TENM3: variants seen among roughly 807,000 people sequenced by gnomAD.
TENM3 encodes the protein teneurin-3.
In TENM3, 63 loss-of-function variants were observed where a neutral mutation model predicts 255.1. That is an observed-to-expected ratio of 0.25 (90% confidence interval 0.20 to 0.30). The LOEUF (loss-of-function observed/expected upper bound fraction) is 0.30. Ranked by LOEUF, TENM3 falls within the 10% of genes least tolerant of loss-of-function variation. TENM3 has a pLI of 1.00. For missense variants in TENM3, 2,929 were observed against 3,461.1 expected, an observed-to-expected ratio of 0.85 and a Z score of 3.86; for synonymous variants, 1,306 against 1,322.3, an observed-to-expected ratio of 0.99 and a Z score of 0.27.
At chr4:182,424,544 A>G (rs1208230854) in intron 3 of TENM3, among the ~76,000 whole-genome samples, 1 of 151,768 alleles carries the variant, frequency 6.6e-6, no homozygotes, top group African/African-American at 2.4e-5. Context: ...GACCAAAAAT[A>G]TTTAATGTAA....
At chr4:182,170,040 G>A (rs1363603373) in intron 1 of TENM3, among the ~76,000 whole-genome samples, 2 of 150,548 alleles carry the variant, frequency 1.3e-5, no homozygotes, top group Admixed American at 6.7e-5. Context: ...GTTTTGAGAT[G>A]CATACTAGAT....
chr4:181,862,552 G>A, the TENM3 span, among the ~76,000 whole-genome samples: 6 of 151,966 alleles, frequency 3.9e-5, no homozygotes, highest in African/African-American at 1.2e-4. Flanking sequence ...TTGTCACAGA[G>A]CCAACTGCTA....
At chr4:181,767,597 T>C in the TENM3 span, among the ~76,000 whole-genome samples, 1 of 152,134 alleles carries the variant, frequency 6.6e-6, no homozygotes, top group Admixed American at 6.5e-5. Context: ...CCTGGGAGGC[T>C]TAAGCTGTGG....
chr4:181,625,247 C>T, the TENM3 span, among the ~76,000 whole-genome samples: 2 of 152,114 alleles, frequency 1.3e-5, no homozygotes, highest in African/African-American at 2.4e-5. Flanking sequence ...CTTTGGGGTC[C>T]GCCTTGAGAA....
chr4:182,165,346 G>A (rs1751633599), intron 1 of TENM3, among the ~76,000 whole-genome samples: 1 of 152,204 alleles, frequency 6.6e-6, no homozygotes, highest in Non-Finnish European at 1.5e-5. Context: ...GGACCAAAAA[G>A]TTACTTTATA....
chr4:181,772,760 A>G, the TENM3 span, among the ~76,000 whole-genome samples: 3 of 152,202 alleles, frequency 2.0e-5, no homozygotes, highest in Non-Finnish European at 4.4e-5. Context: ...CTGGTATACT[A>G]CAGACCTTGG....
chr4:182,250,712 C>T (rs1330946051), intron 1 of TENM3, among the ~76,000 whole-genome samples: 1 of 152,200 alleles, frequency 6.6e-6, no homozygotes, highest in Admixed American at 6.5e-5. Flanking sequence ...ATTAGTCATT[C>T]TGGCTAACCG....
the TENM3 span, among the ~76,000 whole-genome samples, chr4:181,490,663 A>T: frequency 1.3e-5 from 2 of 152,210 alleles, no homozygotes; most frequent in Non-Finnish European, 2.9e-5. Flanking sequence ...GAGTACAGAA[A>T]ATCATTTCAG....
chr4:181,724,999 G>A, the TENM3 span, among the ~76,000 whole-genome samples: 2 of 152,186 alleles, frequency 1.3e-5, no homozygotes, highest in African/African-American at 4.8e-5. Flanking sequence ...TTTGGTGAAA[G>A]GTAACTGTAC....
chr4:181,780,104 C>T, the TENM3 span, among the ~76,000 whole-genome samples: 6 of 152,178 alleles, frequency 3.9e-5, no homozygotes, highest in Non-Finnish European at 8.8e-5. Context: ...CATACATTTG[C>T]ATGTGTCTTT....
chr4:181,964,022 A>G, the TENM3 span, among the ~76,000 whole-genome samples: 6 of 151,996 alleles, frequency 3.9e-5, no homozygotes, highest in Non-Finnish European at 7.4e-5. Context: ...CACCTCTCCT[A>G]AAATTTTCTA....
chr4:181,838,094 C>T, the TENM3 span, among the ~76,000 whole-genome samples: 38 of 150,860 alleles, frequency 2.5e-4, no homozygotes, highest in Non-Finnish European at 2.7e-4. Context: ...GCAGAGATCG[C>T]GCCACTGCAA....
rs193256946 is a variant in TENM3, at chr4:182,244,787, T to C, written c.-76+1311T>C. Among the ~76,000 whole-genome samples the C allele has an allele frequency of 3.0e-4, 46 of 152,356 alleles. 1 individual carries two copies. The East Asian group carries it at 8.3e-3, about 27-fold the overall frequency. ...GCTGTTTAGGAAACCATTCCAACTG[T>C]CCAGCTTTCTGAGAGTTTGCAAATA... On this transcript the variant is annotated intron_variant, in intron 1 of 27. Transcript: ENST00000511685.
At chr4:182,280,914 G>C (rs1247291181) in intron 1 of TENM3, among the ~76,000 whole-genome samples, 1 of 152,182 alleles carries the variant, frequency 6.6e-6, no homozygotes, top group African/African-American at 2.4e-5. Context: ...AAGGAGCCTC[G>C]AGAAGCAGAG....
chr4:181,654,798 C>T, the TENM3 span, among the ~76,000 whole-genome samples: 1 of 151,700 alleles, frequency 6.6e-6, no homozygotes, highest in African/African-American at 2.4e-5. Context: ...GATCACTCAC[C>T]CATCTTTGTT....
chr4:182,666,214 CT>C (rs1260240097), intron 6 of TENM3, among the ~76,000 whole-genome samples: 1 of 152,112 alleles, frequency 6.6e-6, no homozygotes, highest in Non-Finnish European at 1.5e-5. Context: ...GAATTTACTC[CT>C]GATGAAGAAG....
the TENM3 span, among the ~76,000 whole-genome samples, chr4:182,066,478 A>T: frequency 6.6e-6 from 1 of 152,114 alleles, no homozygotes; most frequent in Non-Finnish European, 1.5e-5. Flanking sequence ...GGCTTTAATC[A>T]AGTCCATTAG....
chr4:182,604,395 C>A (rs1240020374), intron 4 of TENM3, among the ~76,000 whole-genome samples: 2 of 152,176 alleles, frequency 1.3e-5, no homozygotes, highest in Non-Finnish European at 2.9e-5. Context: ...CTGAAAATTC[C>A]TTTTCTTTGA....
the TENM3 span, among the ~76,000 whole-genome samples, chr4:181,813,969 A>T: frequency 6.6e-6 from 1 of 152,190 alleles, no homozygotes; most frequent in Non-Finnish European, 1.5e-5. Context: ...TTAATGAAAC[A>T]TGAAAAACTA....
Sources: allele counts gnomAD v4.1 joint callset (sites outside exome capture counted in the v4.1 genomes callset), GRCh38; gene constraint gnomAD v4.1.1; transcripts MANE v1.5; gene names NCBI Gene and HGNC (gene_info 2026-07-23, HGNC 2026-07-21).